RORB: variants seen among roughly 807,000 people sequenced by gnomAD.
RORB encodes the protein nuclear receptor ROR-beta.
RORB carries 6 observed loss-of-function variants against 59.1 expected under a neutral mutation model. The ratio of observed to expected loss-of-function variants is 0.10; its 90% CI spans 0.06 to 0.20. The LOEUF (loss-of-function observed/expected upper bound fraction) is 0.20, where lower values mean the gene tolerates loss of function less well. Ranked by LOEUF, RORB falls within the 10% of genes least tolerant of loss-of-function variation. The pLI is 1.00. For missense variants in RORB, 320 were observed against 560.5 expected, an observed-to-expected ratio of 0.57 and a Z score of 4.33; for synonymous variants, 215 against 204.5, an observed-to-expected ratio of 1.05 and a Z score of -0.44.
At chr9:74,668,466 T>C (rs1231124723) in intron 8 of RORB, among the ~76,000 whole-genome samples, 1 of 152,220 alleles carries the variant, frequency 6.6e-6, no homozygotes, top group Non-Finnish European at 1.5e-5. Flanking sequence ...ACTCCCTGCA[T>C]GCAGTCAAAA....
At chr9:74,509,945 A>G (rs1825913329) in intron 1 of RORB, among the ~76,000 whole-genome samples, 1 of 152,128 alleles carries the variant, frequency 6.6e-6, no homozygotes, top group African/African-American at 2.4e-5. Context: ...TTTGTTTTGC[A>G]TTTTGGCTGA....
intron 4 of RORB, among the ~76,000 whole-genome samples, chr9:74,651,090 AG>A (rs147423961): frequency 6.6e-6 from 1 of 152,274 alleles, no homozygotes; most frequent in African/African-American, 2.4e-5. Context: ...GCAGTTTTTA[AG>A]AAGACTAAAG....
At chr9:74,608,079 A>G (rs1486150868) in intron 1 of RORB, among the ~76,000 whole-genome samples, 1 of 152,186 alleles carries the variant, frequency 6.6e-6, no homozygotes, top group Admixed American at 6.5e-5. Flanking sequence ...AGTTCCATGA[A>G]GTAAGGTTCT....
At chr9:74,567,824 TG>T (rs774555708) in intron 1 of RORB, among the ~76,000 whole-genome samples, 6 of 152,288 alleles carry the variant, frequency 3.9e-5, no homozygotes, top group Non-Finnish European at 7.4e-5. Context: ...AGGCATTGCA[TG>T]TATGTGTGCT....
At chr9:74,596,259 AG>A (rs1232427241) in intron 1 of RORB, among the ~76,000 whole-genome samples, 2 of 152,156 alleles carry the variant, frequency 1.3e-5, no homozygotes, top group African/African-American at 4.8e-5. Flanking sequence ...TCCAGGGCAA[AG>A]GTAGAGACAT....
intron 1 of RORB, chr9:74,498,252 G>A: frequency 1.9e-6 from 1 of 529,246 alleles, no homozygotes; most frequent in Non-Finnish European, 3.4e-6. Flanking sequence ...CAGTCCTTGA[G>A]TTGCACTGAA....
intron 1 of RORB, among the ~76,000 whole-genome samples, chr9:74,567,543 C>G (rs1333581030): frequency 4.6e-5 from 7 of 152,094 alleles, no homozygotes; most frequent in Admixed American, 2.0e-4. Flanking sequence ...TGTCACAGCT[C>G]TCAGAAACAG....
chr9:74,678,830 A>G (rs148027826), intron 9 of RORB, among the ~76,000 whole-genome samples: 1 of 152,170 alleles, frequency 6.6e-6, no homozygotes, highest in East Asian at 1.9e-4. Context: ...AGGTCAGTTC[A>G]AGACCGGCCT....
intron 3 of RORB, 145 bp downstream of exon 3, chr9:74,634,917 G>A (rs1008754983): frequency 7.0e-6 from 5 of 714,692 alleles, no homozygotes; most frequent in African/African-American, 3.6e-5. Context: ...TGCATTACAA[G>A]GAAAAGTAAG....
intron 1 of RORB, among the ~76,000 whole-genome samples, chr9:74,534,045 C>T (rs1231507250): frequency 6.6e-6 from 1 of 152,002 alleles, no homozygotes; most frequent in Admixed American, 6.6e-5. Flanking sequence ...ACTTGGTGTT[C>T]TTCAGGACTG....
chr9:74,563,007 A>G (rs924531142), intron 1 of RORB, among the ~76,000 whole-genome samples: 2 of 152,158 alleles, frequency 1.3e-5, no homozygotes, highest in Non-Finnish European at 2.9e-5. Context: ...TCATATAATC[A>G]CAGTACACTC....
chr9:74,597,603 C>A (rs1166185029), intron 1 of RORB, among the ~76,000 whole-genome samples: 1 of 151,378 alleles, frequency 6.6e-6, no homozygotes, highest in Admixed American at 6.6e-5. Flanking sequence ...GAGATGTGGT[C>A]CAAATGTAAA....
chr9:74,609,757 T>C (rs1014450368), intron 1 of RORB, among the ~76,000 whole-genome samples: 1 of 152,194 alleles, frequency 6.6e-6, no homozygotes, highest in Non-Finnish European at 1.5e-5. Context: ...TACTGTTACA[T>C]AGTAAAGCCT....
intron 4 of RORB, among the ~76,000 whole-genome samples, chr9:74,653,051 T>G (rs1824021521): frequency 1.3e-5 from 2 of 152,230 alleles, no homozygotes; most frequent in African/African-American, 4.8e-5. Context: ...TTTTCTGACA[T>G]TGCCATCAGT....
At chr9:74,511,682 T>C (rs1001803918) in intron 1 of RORB, among the ~76,000 whole-genome samples, 2 of 150,484 alleles carry the variant, frequency 1.3e-5, no homozygotes, top group African/African-American at 4.9e-5. Context: ...CTATGCTTTA[T>C]CTTTCACTCA....
chr9:74,627,495 C>T (rs1447791431), intron 1 of RORB, among the ~76,000 whole-genome samples: 1 of 152,050 alleles, frequency 6.6e-6, no homozygotes, highest in Non-Finnish European at 1.5e-5. Flanking sequence ...TCAAATGTTC[C>T]TTATCTCATT....
chr9:74,607,539 A>G (rs747302156), intron 1 of RORB, among the ~76,000 whole-genome samples: 3 of 152,296 alleles, frequency 2.0e-5, no homozygotes, highest in African/African-American at 2.4e-5. Flanking sequence ...CCTACATTCA[A>G]AAGCAGACAG....
At chr9:74,630,155 C>G (rs1823591699) in intron 1 of RORB, 127 bp from the exon 2 acceptor site, 2 of 1,267,068 alleles carry the variant, frequency 1.6e-6, no homozygotes, top group Admixed American at 5.1e-5. Flanking sequence ...GACTCCCACA[C>G]CACCGCTCAC....
At chr9:74,530,391 G>C (rs1057032088) in intron 1 of RORB, among the ~76,000 whole-genome samples, 3 of 152,022 alleles carry the variant, frequency 2.0e-5, no homozygotes, top group Non-Finnish European at 2.9e-5. Context: ...TATGGATGCT[G>C]CTGTGAAAAC....
Sources: gnomAD v4.1 joint callset for allele counts (sites outside exome capture counted in the v4.1 genomes callset) on GRCh38, gnomAD v4.1.1 for gene constraint, MANE v1.5 for transcripts, NCBI Gene and HGNC (gene_info 2026-07-23, HGNC 2026-07-21) for gene names.